The following ATRNL1 variants were observed in gnomAD, a reference collection of about 807,000 sequenced individuals.
ATRNL1 encodes the protein attractin-like protein 1.
Under a neutral mutation model 182.7 loss-of-function variants are expected in ATRNL1, and 95 were observed. That is an observed-to-expected ratio of 0.52 (90% confidence interval 0.44 to 0.62). ATRNL1 has a LOEUF of 0.62. Among genes scored for constraint, ATRNL1 ranks in the 20% least tolerant of loss-of-function variants. ATRNL1 has a pLI of 0.00. For missense variants in ATRNL1, 1,471 were observed against 1,679.5 expected, an observed-to-expected ratio of 0.88 and a Z score of 2.17; for synonymous variants, 576 against 568.3, an observed-to-expected ratio of 1.01 and a Z score of -0.19.
intron 9 of ATRNL1, among the ~76,000 whole-genome samples, chr10:115,216,816 C>G (rs1468269067): frequency 6.6e-6 from 1 of 151,656 alleles, no homozygotes; most frequent in Admixed American, 6.6e-5. Context: ...ATACATATAT[C>G]CTAATTTCTA....
chr10:115,738,125 G>GTTTTTTTTTTGTTTTTTTTGTTTTT (rs1565334914), intron 27 of ATRNL1, among the ~76,000 whole-genome samples: 4 of 53,150 alleles, frequency 7.5e-5, no homozygotes, highest in African/African-American at 2.3e-4. Context: ...AGAAGATAAT[G>GTTTTTTTTTTGTTTTTTTTGTTTTT]ATTTTTTTTT....
At chr10:115,191,240 G>A (rs1848158224) in intron 8 of ATRNL1, among the ~76,000 whole-genome samples, 2 of 151,988 alleles carry the variant, frequency 1.3e-5, no homozygotes, top group African/African-American at 4.8e-5. Flanking sequence ...GTCCAGCAGT[G>A]GTATTGCTGG....
At chr10:115,175,829 C>CA (rs1455789320) in intron 8 of ATRNL1, among the ~76,000 whole-genome samples, 2 of 151,964 alleles carry the variant, frequency 1.3e-5, no homozygotes, top group African/African-American at 4.8e-5. Flanking sequence ...GAAAAGAGTA[C>CA]AAAATGATGG....
intron 28 of ATRNL1, among the ~76,000 whole-genome samples, chr10:115,895,015 A>G (rs1555112165): frequency 1.3e-5 from 2 of 152,182 alleles, no homozygotes; most frequent in African/African-American, 4.8e-5. Flanking sequence ...TGCCGTGTGC[A>G]TGAGATCCAG....
intron 12 of ATRNL1, among the ~76,000 whole-genome samples, chr10:115,267,750 T>G (rs1416912385): frequency 6.6e-6 from 1 of 152,100 alleles, no homozygotes; most frequent in African/African-American, 2.4e-5. Context: ...TCCTTTGACT[T>G]TCTCTAAAAT....
intron 19 of ATRNL1, among the ~76,000 whole-genome samples, chr10:115,393,128 C>T (rs1403446753): frequency 6.6e-6 from 1 of 152,104 alleles, no homozygotes; most frequent in Non-Finnish European, 1.5e-5. Flanking sequence ...GGATTACTAA[C>T]ACTGAAATGG....
intron 26 of ATRNL1, among the ~76,000 whole-genome samples, chr10:115,696,870 C>CGAGAGAGAGAGAGAGAGAGAGAGA (rs138252590): frequency 9.7e-5 from 13 of 133,950 alleles, no homozygotes; most frequent in African/African-American, 2.3e-4. Flanking sequence ...CATATCAGAG[C>CGAGAGAGAGAGAGAGAGAGAGAGA]GAGAGAGAGA....
At chr10:115,453,770 G>A (rs1847388040) in intron 21 of ATRNL1, among the ~76,000 whole-genome samples, 1 of 148,534 alleles carries the variant, frequency 6.7e-6, no homozygotes. Context: ...ACACAGGAAG[G>A]GGAACATCAC....
chr10:115,884,958 T>A (rs182177592), intron 28 of ATRNL1, among the ~76,000 whole-genome samples: 8 of 152,322 alleles, frequency 5.3e-5, no homozygotes, highest in Non-Finnish European at 8.8e-5. Flanking sequence ...TAATAAATGC[T>A]GATCCAAAAA....
chr10:115,483,529 A>G (rs1554974581), intron 24 of ATRNL1, among the ~76,000 whole-genome samples: 1 of 151,598 alleles, frequency 6.6e-6, no homozygotes, highest in Non-Finnish European at 1.5e-5. Flanking sequence ...TATATTTAAT[A>G]TAATTTGATG....
intron 27 of ATRNL1, among the ~76,000 whole-genome samples, chr10:115,810,726 G>T (rs3110773): frequency 0.17 from 26,285 of 151,318 alleles, 2,405 homozygotes; most frequent in Non-Finnish European, 0.2. Context: ...AGTGAGTTTT[G>T]GTATTTTTAG....
intron 26 of ATRNL1, among the ~76,000 whole-genome samples, chr10:115,680,475 C>A (rs1225737445): frequency 6.6e-6 from 1 of 152,068 alleles, no homozygotes; most frequent in Non-Finnish European, 1.5e-5. Context: ...TTTCAAGATG[C>A]CTAGTAACTA....
At chr10:115,757,831 C>CGA (rs1948630833) in intron 27 of ATRNL1, among the ~76,000 whole-genome samples, 1 of 151,894 alleles carries the variant, frequency 6.6e-6, no homozygotes, top group African/African-American at 2.4e-5. Context: ...TCACATAGTC[C>CGA]CATATTTCTT....
At chr10:115,434,631 T>C (rs1846316081) in intron 21 of ATRNL1, among the ~76,000 whole-genome samples, 1 of 152,166 alleles carries the variant, frequency 6.6e-6, no homozygotes, top group African/African-American at 2.4e-5. Flanking sequence ...GAAATATTCA[T>C]CCAAAGATAT....
At chr10:115,549,140 A>G (rs914778120) in intron 25 of ATRNL1, among the ~76,000 whole-genome samples, 2 of 152,144 alleles carry the variant, frequency 1.3e-5, no homozygotes, top group Non-Finnish European at 2.9e-5. Flanking sequence ...AACTCATAAT[A>G]GCAATTCTAA....
chr10:115,189,590 C>A (rs147170176), intron 8 of ATRNL1, among the ~76,000 whole-genome samples: 2,662 of 151,768 alleles, frequency 0.018, 28 homozygotes, highest in South Asian at 0.028. Context: ...TAGGAAAAAG[C>A]TTATATAATA....
intron 2 of ATRNL1, among the ~76,000 whole-genome samples, 177 bp from the exon 3 acceptor site, chr10:115,121,522 A>G (rs782146100): frequency 6.6e-6 from 1 of 152,218 alleles, no homozygotes; most frequent in African/African-American, 2.4e-5. Flanking sequence ...TGGCTTATCA[A>G]TCTTTCACCC....
intron 27 of ATRNL1, among the ~76,000 whole-genome samples, chr10:115,758,294 T>C (rs782307144): frequency 2.4e-4 from 36 of 152,212 alleles, no homozygotes; most frequent in Admixed American, 4.6e-4. Flanking sequence ...CCCATCTTCA[T>C]GGATTTTTCT....
chr10:115,192,466 T>A (rs1554890031), intron 8 of ATRNL1, among the ~76,000 whole-genome samples: 1 of 152,080 alleles, frequency 6.6e-6, no homozygotes, highest in Non-Finnish European at 1.5e-5. Flanking sequence ...TTTCTGTTTT[T>A]ATGCCAGTAC....
Sources: allele counts gnomAD v4.1 joint callset (sites outside exome capture counted in the v4.1 genomes callset), GRCh38; gene constraint gnomAD v4.1.1; transcripts MANE v1.5; gene names NCBI Gene and HGNC (gene_info 2026-07-23, HGNC 2026-07-21).